MRE11: variants seen among roughly 807,000 people sequenced by gnomAD.
The protein encoded by MRE11 is MRE11 double strand break repair nuclease, also known as double-strand break repair protein MRE11.
Under a neutral mutation model 91.7 loss-of-function variants are expected in MRE11, and 62 were observed. That is an observed-to-expected ratio of 0.68 (90% CI 0.55 to 0.84). The LOEUF is 0.84. MRE11 is among the 40% of genes least tolerant of loss of function. MRE11 has a pLI of 0.00. For synonymous variants in MRE11, 273 were observed against 271.4 expected (o/e 1.01, Z -0.06); for missense variants, 796 against 852.9 (o/e 0.93, Z 0.83).
chr11:94,470,689 A>G (rs1258905279), intron 8 of MRE11, 47 bp from the exon 9 acceptor site: 7 of 1,594,824 alleles, frequency 4.4e-6, no homozygotes, highest in Non-Finnish European at 6.0e-6. Flanking sequence ...AAATTTCCTC[A>G]GGGTGATGTG....
chr11:94,469,910 A>C (rs1946662923), intron 9 of MRE11, among the ~76,000 whole-genome samples: 1 of 152,160 alleles, frequency 6.6e-6, no homozygotes, highest in Non-Finnish European at 1.5e-5. Flanking sequence ...ATATTATTAA[A>C]TGCATTAATC....
chr11:94,493,699 T>C (rs1947356674), intron 1 of MRE11, 92 bp downstream of exon 1: 1 of 152,264 alleles, frequency 6.6e-6, no homozygotes, highest in Admixed American at 6.5e-5. Context: ...TGCTGGACTC[T>C]TCGAAGCCCC....
chr11:94,500,723 T>C, the MRE11 span, among the ~76,000 whole-genome samples: 4 of 152,314 alleles, frequency 2.6e-5, no homozygotes, highest in South Asian at 2.1e-4. Flanking sequence ...ATCTTAAATA[T>C]GCTTTTCCAG....
chr11:94,444,415 T>A (rs1264209587), intron 16 of MRE11, among the ~76,000 whole-genome samples: 1 of 152,062 alleles, frequency 6.6e-6, no homozygotes, highest in Non-Finnish European at 1.5e-5. Context: ...TGTTTTCTTT[T>A]GTTTTAGGCT....
chr11:94,455,223 C>T (rs975996000), intron 14 of MRE11, among the ~76,000 whole-genome samples: 3 of 152,086 alleles, frequency 2.0e-5, no homozygotes, highest in Admixed American at 6.6e-5. Flanking sequence ...ATTCTAGCGC[C>T]ACTCCATGAC....
the MRE11 span, among the ~76,000 whole-genome samples, chr11:94,506,321 A>G: frequency 6.6e-6 from 1 of 152,226 alleles, no homozygotes; most frequent in Non-Finnish European, 1.5e-5. Flanking sequence ...CCTAAAAAAA[A>G]GTTAAAAAGA....
chr11:94,467,831 C>A lies in MRE11; in HGVS notation c.1080G>T (p.Lys360Asn). The A allele has an allele frequency of 2.5e-6, 4 of 1,613,304 alleles. No homozygotes were observed. Among genetic ancestry groups the A allele is most frequent in the Non-Finnish European group, 2.5e-6 (3 of 1,179,494 alleles). ...GACTTACTCGCAGTCGTACAAGAGGCTTCTCTGGCTGGTGAGAATTACCCA... is the reference window on the plus strand; with the variant it reads ...GACTTACTCGCAGTCGTACAAGAGGATTCTCTGGCTGGTGAGAATTACCCA... ...ERLGNSHQPE[K>N]PLVRLRVDYS... Residue 360 changes from lysine (K) to asparagine (N), a missense_variant, in exon 10 of 20, where the codon AAG becomes AAT. Lys to Asn is a moderately conservative substitution (Grantham distance 94). Coordinates refer to ENST00000323929, the MANE Select transcript of MRE11 (RefSeq NM_005591.4).
chr11:94,423,867 A>C (rs1486518145), intron 19 of MRE11, among the ~76,000 whole-genome samples: 47 of 152,214 alleles, frequency 3.1e-4, no homozygotes, highest in Non-Finnish European at 2.9e-5. Flanking sequence ...AGTAGGGGAG[A>C]AATCCCACTT....
intron 4 of MRE11, among the ~76,000 whole-genome samples, chr11:94,483,017 GA>G (rs1565236754): frequency 6.6e-6 from 1 of 152,088 alleles, no homozygotes; most frequent in Non-Finnish European, 1.5e-5. Context: ...TCACAATTTT[GA>G]AAAACAAGGA....
At chr11:94,481,245 GT>G (rs1480430163) in intron 4 of MRE11, among the ~76,000 whole-genome samples, 2 of 152,078 alleles carry the variant, frequency 1.3e-5, no homozygotes, top group African/African-American at 4.8e-5. Flanking sequence ...GGAGGCAGAG[GT>G]TGCAGTAAGC....
chr11:94,460,803 A>G, intron 12 of MRE11, 133 bp downstream of exon 12: 1 of 760,378 alleles, frequency 1.3e-6, no homozygotes, highest in Non-Finnish European at 2.2e-6. Context: ...AATGTAATTA[A>G]TTGTCACCCT....
At chr11:94,493,519 A>C (rs1469698773) in intron 1 of MRE11, 1 of 152,040 alleles carries the variant, frequency 6.6e-6, no homozygotes, top group Non-Finnish European at 1.5e-5. Flanking sequence ...TCGGGATTCC[A>C]AGCCTCAACA....
chr11:94,507,318 T>C, the MRE11 span, among the ~76,000 whole-genome samples: 2 of 152,258 alleles, frequency 1.3e-5, no homozygotes, highest in African/African-American at 2.4e-5. Context: ...TTCTTTTTAT[T>C]GATGTATTCC....
intron 4 of MRE11, among the ~76,000 whole-genome samples, chr11:94,483,490 G>A (rs540931257): frequency 4.6e-5 from 7 of 152,266 alleles, no homozygotes; most frequent in African/African-American, 1.7e-4. Context: ...AGTCTAAAGA[G>A]ATCTGATGGT....
Position 94,430,674 on chromosome 11 carries a change from A to G in MRE11, c.1995-688T>C, listed in dbSNP as rs547949019. ...ACGGGGTTTCACCAGGTTGGCCAGG[A>G]TGGTCTCTATCTCCTCTATCTCTTG... On this transcript the variant is annotated intron_variant, in intron 18 of 19. Transcript: ENST00000323929. Among the ~76,000 whole-genome samples, 130 of 151,996 alleles carry G rather than the reference A, an allele frequency of 8.6e-4. 1 individual carries two copies. In the South Asian group the frequency reaches 0.026, roughly 31 times the overall value.
chr11:94,460,368 G>A (rs985405053), intron 12 of MRE11, among the ~76,000 whole-genome samples: 4 of 152,188 alleles, frequency 2.6e-5, no homozygotes, highest in East Asian at 1.9e-4. Flanking sequence ...TACTTATGAC[G>A]TAAGTTTCAG....
At position 94,419,881 on chromosome 11, in the gene MRE11, A is replaced by T. The variant is rs1945122274; in HGVS notation, c.*244T>A. The stretch of plus-strand genomic sequence containing the variant: ...CATAGTTTTTCATTATGAAATAGAA[A>T]TGTAAAATGGTAGCTTTATTTTAAT... On this transcript the variant is annotated 3_prime_UTR_variant, in exon 20 of 20. Coordinates refer to ENST00000323929, the MANE Select transcript of MRE11 (RefSeq NM_005591.4). 3.3e-6 allele frequency: 1 copy of T among 307,022 alleles called. No individual in the cohort carries two copies. The highest frequency in any genetic ancestry group is 2.1e-5 in the African/African-American group (1 of 47,344). The allele number at this position is 307,022 out of a possible 1,614,324, so 19.0% of individuals were successfully genotyped here.
chr11:94,485,027 C>T (rs1466324485), intron 4 of MRE11, among the ~76,000 whole-genome samples: 5 of 152,184 alleles, frequency 3.3e-5, no homozygotes, highest in Non-Finnish European at 7.3e-5. Flanking sequence ...GCCTGGCCAA[C>T]ATGGCAAAAC....
upstream of MRE11, chr11:94,498,618 A>G (rs1947451794): frequency 5.1e-6 from 6 of 1,168,386 alleles, no homozygotes; most frequent in East Asian, 1.2e-4. Context: ...GACGTCAAAC[A>G]TCTTACTACA....
Sources: gnomAD v4.1 joint callset for allele counts (sites outside exome capture counted in the v4.1 genomes callset) on GRCh38, gnomAD v4.1.1 for gene constraint, MANE v1.5 for transcripts, NCBI Gene and HGNC (gene_info 2026-07-23, HGNC 2026-07-21) for gene names.